The following COP1 variants were observed in gnomAD, a reference collection of about 807,000 sequenced individuals.
COP1 encodes E3 ubiquitin-protein ligase COP1.
Under a neutral mutation model 101.3 loss-of-function variants are expected in COP1, and 24 were observed. The observed-to-expected ratio is 0.24, with a 90% CI of 0.17 to 0.33. COP1 has a LOEUF of 0.33. Among genes scored for constraint, COP1 ranks in the 10% least tolerant of loss-of-function variants. The probability of loss-of-function intolerance (pLI) is 1.00; values close to 1 mark genes in which losing one functional copy is unlikely to be tolerated. For synonymous variants in COP1, 347 were observed against 341.9 expected (o/e 1.01, Z -0.17); for missense variants, 663 against 906.2 (o/e 0.73, Z 3.45).
At chr1:175,974,790 T>C (rs1174608645) in intron 18 of COP1, among the ~76,000 whole-genome samples, 1 of 151,146 alleles carries the variant, frequency 6.6e-6, no homozygotes, top group African/African-American at 2.5e-5. Context: ...CTCAGCACTT[T>C]GGAAGGCTGA....
chr1:175,986,391 T>C (rs926187643), intron 18 of COP1, among the ~76,000 whole-genome samples: 1 of 152,168 alleles, frequency 6.6e-6, no homozygotes, highest in South Asian at 2.1e-4. Flanking sequence ...TTGAGGCAAC[T>C]CCACTTTATA....
chr1:175,985,674 C>T (rs1289488848), intron 18 of COP1, among the ~76,000 whole-genome samples: 2 of 152,180 alleles, frequency 1.3e-5, no homozygotes, highest in East Asian at 3.9e-4. Context: ...GGTCACAATC[C>T]AAATCTGGTA....
intron 11 of COP1, among the ~76,000 whole-genome samples, chr1:176,061,819 G>A (rs1455448362): frequency 1.3e-5 from 2 of 152,088 alleles, no homozygotes; most frequent in African/African-American, 4.8e-5. Context: ...TTTAAAAATG[G>A]ATGAACTGGA....
intron 15 of COP1, among the ~76,000 whole-genome samples, chr1:176,026,299 C>T (rs2149060308): frequency 6.6e-6 from 1 of 151,906 alleles, no homozygotes; most frequent in Admixed American, 6.5e-5. Context: ...TACACTCAAA[C>T]TCAATAAACT....
In COP1 at chr1:176,163,854, C is replaced by G. The variant is rs1320904696; in HGVS notation, c.603G>C (p.Glu201Asp). The G allele has an allele frequency of 2.5e-6, 4 of 1,608,142 alleles. No homozygotes were observed. The highest frequency in any genetic ancestry group is 3.4e-6 in the Non-Finnish European group (4 of 1,176,424). Residue 201 changes from glutamate (E) to aspartate (D), a missense_variant, in exon 4 of 20, where the codon GAG becomes GAC. Around this residue, in one of 4 missense-constraint regions of COP1, gnomAD observed 212 missense variants for 240.7 expected, o/e 0.88. Coordinates refer to ENST00000367669, the MANE Select transcript of COP1 (RefSeq NM_022457.7). ...ELILKQKQRF[E>D]EKRFKLDHSV... ...AGTGGTCCAATTTGAACCTCTTTTC[C>G]TCAAATCTTTGCTTCTGTTTAAGAA...
intron 18 of COP1, among the ~76,000 whole-genome samples, chr1:175,973,076 C>T (rs1212074079): frequency 1.3e-5 from 2 of 152,150 alleles, no homozygotes; most frequent in Non-Finnish European, 1.5e-5. Flanking sequence ...AGGGGATCTG[C>T]CCGCCTCAGC....
intron 9 of COP1, among the ~76,000 whole-genome samples, chr1:176,115,310 C>A (rs7553759): frequency 2.0e-5 from 3 of 151,428 alleles, no homozygotes; most frequent in African/African-American, 7.3e-5. Flanking sequence ...ATTACCCAGA[C>A]GCGGTGGCAC....
At chr1:176,108,266 T>G (rs1046531875) in intron 9 of COP1, among the ~76,000 whole-genome samples, 5 of 152,150 alleles carry the variant, frequency 3.3e-5, no homozygotes, top group African/African-American at 9.7e-5. Context: ...TTGTTAGCAT[T>G]TTTTTCAATT....
chr1:176,113,945 G>T (rs1247555016), intron 9 of COP1, among the ~76,000 whole-genome samples: 3 of 144,884 alleles, frequency 2.1e-5, no homozygotes, highest in Admixed American at 6.8e-5. Context: ...TCAGGGTAGG[G>T]TTTTTTTTTT....
intron 15 of COP1, among the ~76,000 whole-genome samples, chr1:175,998,636 C>T (rs1660873595): frequency 1.3e-5 from 2 of 151,686 alleles, no homozygotes; most frequent in South Asian, 2.1e-4. Context: ...TCATCTAGTA[C>T]CAGGGTTATT....
At chr1:176,013,725 T>C (rs576619553) in intron 15 of COP1, among the ~76,000 whole-genome samples, 56 of 152,334 alleles carry the variant, frequency 3.7e-4, no homozygotes, top group African/African-American at 1.3e-3. Flanking sequence ...AAGGACCTTT[T>C]ATAGCTGGTA....
intron 18 of COP1, among the ~76,000 whole-genome samples, chr1:175,980,000 CAT>C (rs1655426991): frequency 6.6e-6 from 1 of 151,878 alleles, no homozygotes; most frequent in Non-Finnish European, 1.5e-5. Context: ...TAATAGCAAA[CAT>C]GTATCGCTTT....
intron 5 of COP1, among the ~76,000 whole-genome samples, chr1:176,155,518 C>T (rs1018200271): frequency 7.9e-5 from 12 of 151,810 alleles, no homozygotes; most frequent in Admixed American, 6.6e-5. Flanking sequence ...ATTATAACAA[C>T]ATATGACTAG....
intron 15 of COP1, among the ~76,000 whole-genome samples, chr1:176,019,290 C>T (rs1331778220): frequency 6.6e-6 from 1 of 151,496 alleles, no homozygotes; most frequent in Admixed American, 6.6e-5. Context: ...TGGTGAAACC[C>T]CGTCTCTACT....
At chr1:176,181,467 A>G (rs1180822026) in intron 2 of COP1, among the ~76,000 whole-genome samples, 1 of 151,844 alleles carries the variant, frequency 6.6e-6, no homozygotes, top group Non-Finnish European at 1.5e-5. Context: ...TGATGTTGGA[A>G]TTGACAGCCT....
At chr1:176,098,316 G>A (rs999482943) in intron 9 of COP1, among the ~76,000 whole-genome samples, 4 of 152,104 alleles carry the variant, frequency 2.6e-5, no homozygotes, top group Admixed American at 1.3e-4. Context: ...TGAAACTATT[G>A]GAAATAGATT....
intron 15 of COP1, among the ~76,000 whole-genome samples, chr1:176,006,056 G>C (rs1019417302): frequency 6.6e-6 from 1 of 152,172 alleles, no homozygotes; most frequent in Non-Finnish European, 1.5e-5. Context: ...TATATATTTA[G>C]GATAGTTAGC....
At chr1:175,968,649 G>A in intron 18 of COP1, 4 of 379,910 alleles carry the variant, frequency 1.1e-5, no homozygotes, top group Middle Eastern at 4.5e-4. Context: ...TCAGATAACA[G>A]GAAAAGAACC....
chr1:176,086,126 C>G (rs1680090075), intron 9 of COP1, among the ~76,000 whole-genome samples: 1 of 151,634 alleles, frequency 6.6e-6, no homozygotes, highest in South Asian at 2.1e-4. Flanking sequence ...CTCTAAAGGA[C>G]AGTTTTACAA....
Sources: gnomAD v4.1 joint callset for allele counts (sites outside exome capture counted in the v4.1 genomes callset) on GRCh38, gnomAD v4.1.1 for gene constraint, gnomAD v4.1.1 regional missense constraint, MANE v1.5 for transcripts, NCBI Gene and HGNC (gene_info 2026-07-23, HGNC 2026-07-21) for gene names.